Variants in ADGRV1 observed in about 807,000 individuals in gnomAD.
ADGRV1 encodes G-protein coupled receptor 98.
Under a neutral mutation model 596.2 loss-of-function variants are expected in ADGRV1, and 359 were observed. The observed-to-expected ratio is 0.60, with a 90% CI of 0.55 to 0.66. The LOEUF is 0.66. Ranked by LOEUF, ADGRV1 falls within the 30% of genes least tolerant of loss-of-function variation. The pLI is 0.00. For missense variants in ADGRV1, 7,274 were observed against 7,575.6 expected, an observed-to-expected ratio of 0.96 and a Z score of 1.48; for synonymous variants, 2,681 against 2,679.2, an observed-to-expected ratio of 1.00 and a Z score of -0.02.
intron 1 of ADGRV1, among the ~76,000 whole-genome samples, chr5:90,581,069 C>G (rs1757974461): frequency 6.6e-6 from 1 of 152,176 alleles, no homozygotes; most frequent in Non-Finnish European, 1.5e-5. Context: ...GTGCATGCGT[C>G]ACGAAGTTCT....
At position 90,661,047 on chromosome 5, in the gene ADGRV1, T is replaced by C. The variant is rs1770208826; in HGVS notation, c.4752+2769T>C. 2.0e-5 allele frequency among the ~76,000 whole-genome samples: 3 copies of C among 152,212 alleles called. No individual in the cohort carries two copies. The South Asian group carries it at 6.2e-4, about 32-fold the overall frequency. ...GAGGCATGCCAAATAGTGCTTTGGATTCCAAGTGGGATCTGTATTGAACAG... is the reference window on the plus strand; with the variant it reads ...GAGGCATGCCAAATAGTGCTTTGGACTCCAAGTGGGATCTGTATTGAACAG... On this transcript the variant is annotated intron_variant, in intron 21 of 89. Transcript: ENST00000405460.
intron 76 of ADGRV1, among the ~76,000 whole-genome samples, chr5:90,827,480 A>C (rs1256400185): frequency 6.6e-6 from 1 of 152,200 alleles, no homozygotes; most frequent in Non-Finnish European, 1.5e-5. Flanking sequence ...GGTGGCTATA[A>C]GTATGTTCTA....
chr5:90,863,976 A>C, intron 83 of ADGRV1, 119 bp downstream of exon 83: 1 of 660,286 alleles, frequency 1.5e-6, no homozygotes, highest in Non-Finnish European at 2.6e-6. Context: ...AAACTTGTTT[A>C]GTTTTGCAGT....
At chr5:91,153,514 C>G (rs1386905453) in intron 89 of ADGRV1, 116 bp downstream of exon 89, 21 of 571,276 alleles carry the variant, frequency 3.7e-5, no homozygotes, top group Non-Finnish European at 4.5e-5. Flanking sequence ...CATCCTGATT[C>G]TCATGACCCA....
chr5:90,963,209 T>C (rs1292201519), intron 83 of ADGRV1, among the ~76,000 whole-genome samples: 3 of 152,174 alleles, frequency 2.0e-5, no homozygotes, highest in African/African-American at 7.2e-5. Flanking sequence ...AGACAGAACA[T>C]GAAATGTTAA....
At chr5:90,699,031 A>G (rs181946645) in intron 34 of ADGRV1, among the ~76,000 whole-genome samples, 9 of 152,280 alleles carry the variant, frequency 5.9e-5, no homozygotes, top group Admixed American at 6.5e-5. Context: ...TGACAAACAT[A>G]GAGGTCTTCA....
rs397971135 is a variant in ADGRV1, at chr5:90,721,523, A to AT, written c.9748+465dup. ...GGTCTAAAAAATAAAATAAAATAAAATAAAAATAAAAATAAAATAAAATAA... is the reference window on the plus strand; with the variant it reads ...GGTCTAAAAAATAAAATAAAATAAAATTAAAAATAAAAATAAAATAAAATAA... On this transcript the variant is annotated intron_variant, in intron 45 of 89. Coordinates refer to ENST00000405460, the MANE Select transcript of ADGRV1 (RefSeq NM_032119.4). Among the ~76,000 whole-genome samples the AT allele has an allele frequency of 1.2e-3, 107 of 90,704 alleles. 5 individuals carry two copies. Among genetic ancestry groups the AT allele is most frequent in the African/African-American group, 4.7e-3 (67 of 14,230 alleles). 59.5% of individuals were successfully genotyped at this position (90,704 alleles called of 152,430 possible).
chr5:90,660,485 T>A (rs757450009), intron 21 of ADGRV1, among the ~76,000 whole-genome samples: 3 of 152,216 alleles, frequency 2.0e-5, no homozygotes, highest in African/African-American at 7.2e-5. Context: ...GCCACTTCCA[T>A]AGATTCTTCT....
Position 90,853,371 on chromosome 5 carries a change from AGG to A in ADGRV1, c.17293_17294del (p.Gly5765LysfsTer28). 6.2e-7 allele frequency: 1 copy of A among 1,613,602 alleles called. No individual in the cohort carries two copies. Among genetic ancestry groups the A allele is most frequent in the Non-Finnish European group, 8.5e-7 (1 of 1,179,600 alleles). On this transcript the variant is annotated frameshift_variant, in exon 80 of 90. Transcript: ENST00000405460. LOFTEE classifies it high-confidence loss of function. ...PQQINGHKFEGKEGDYIRIPE... is the reference protein window; with the variant it reads ...PQQINGHKFEXKEGDYIRIPE... ...AGCAAATCAATGGACACAAGTTTGA[AGG>A]AAAGGAAGGAGATTACATTCGAATT...
intron 86 of ADGRV1, among the ~76,000 whole-genome samples, chr5:91,078,334 C>T (rs1348156927): frequency 6.6e-6 from 1 of 151,916 alleles, no homozygotes; most frequent in South Asian, 2.1e-4. Context: ...GAAATGAAAT[C>T]CAAAGGAAAA....
intron 13 of ADGRV1, among the ~76,000 whole-genome samples, chr5:90,643,249 TGAAG>T (rs1381339895): frequency 6.6e-6 from 1 of 152,106 alleles, no homozygotes. Flanking sequence ...TTGCTCCACA[TGAAG>T]AAATAACAAA....
chr5:90,654,303 G>A lies in ADGRV1; in HGVS notation c.4378+351G>A, dbSNP rs139811155. 1,545 of 288,330 alleles carry A rather than the reference G, an allele frequency of 5.4e-3. 28 individuals carry two copies. The highest frequency in any genetic ancestry group is 0.031 in the African/African-American group (1,389 of 45,142). 17.9% of individuals were successfully genotyped at this position (288,330 alleles called of 1,614,324 possible). ...AGATGGGGAGTGATATTCCTGCAGA[G>A]GAATGAACAAAGGAATAGAAATGTG... On this transcript the variant is annotated intron_variant, in intron 20 of 89. Coordinates refer to ENST00000405460, the MANE Select transcript of ADGRV1 (RefSeq NM_032119.4).
chr5:90,723,785 C>A (rs1751393981), intron 45 of ADGRV1, among the ~76,000 whole-genome samples: 1 of 152,156 alleles, frequency 6.6e-6, no homozygotes, highest in Non-Finnish European at 1.5e-5. Flanking sequence ...GATAGTTGTT[C>A]TTACTGCATC....
At chr5:90,642,186 G>C (rs371841038) in intron 11 of ADGRV1, among the ~76,000 whole-genome samples, 1 of 152,050 alleles carries the variant, frequency 6.6e-6, no homozygotes, top group Non-Finnish European at 1.5e-5. Flanking sequence ...TATTCAGTTA[G>C]TATAATCTTA....
intron 31 of ADGRV1, 29 bp downstream of exon 31, chr5:90,691,070 A>C (rs1746407623): frequency 1.2e-6 from 2 of 1,613,024 alleles, no homozygotes; most frequent in Non-Finnish European, 1.7e-6. Context: ...ATAGAATGAC[A>C]CTGTAAATCA....
Position 90,914,646 on chromosome 5 carries a change from T to C in ADGRV1, c.17857-50769T>C, listed in dbSNP as rs574572935. ...TCTTTAATTAATAAAAGAGATGATT[T>C]CCCCATTTCTGATTGATTTTTACTT... On this transcript the variant is annotated intron_variant, in intron 83 of 89. Transcript: ENST00000405460. 6.6e-5 allele frequency among the ~76,000 whole-genome samples: 10 copies of C among 152,284 alleles called. No homozygotes were observed. In the East Asian group the frequency reaches 1.7e-3, roughly 26 times the overall value.
intron 1 of ADGRV1, among the ~76,000 whole-genome samples, chr5:90,572,463 C>G (rs752163287): frequency 1.1e-4 from 17 of 152,126 alleles, no homozygotes; most frequent in Admixed American, 2.0e-4. Flanking sequence ...TGTGAATGAA[C>G]TGGTACGAAA....
Position 90,685,940 on chromosome 5 carries a change from A to C in ADGRV1, c.6435A>C (p.Gly2145=). 1.9e-6 allele frequency: 3 copies of C among 1,607,742 alleles called. No homozygotes were observed. The East Asian group carries it at 6.7e-5, about 36-fold the overall frequency. The change falls in exon 29 of 90, where the codon GGA becomes GGC. Residue 2145 remains glycine (G), a synonymous_variant. Transcript: ENST00000405460. ...GPIINVTRTG[G]AFADVSVKFK... is the part of the protein sequence containing the mutation. Reference sequence around the variant, plus strand: ...TTATCAATGTGACTAGAACAGGAGGAGCATTTGCAGATGTCTCTGTGAAGT... The same window carrying C: ...TTATCAATGTGACTAGAACAGGAGGCGCATTTGCAGATGTCTCTGTGAAGT...
At chr5:91,028,864 G>T (rs1372665763) in intron 85 of ADGRV1, among the ~76,000 whole-genome samples, 1 of 149,212 alleles carries the variant, frequency 6.7e-6, no homozygotes, top group African/African-American at 2.5e-5. Context: ...TCAGCCTCTT[G>T]CATAGCTAGG....
Sources: allele counts gnomAD v4.1 joint callset (sites outside exome capture counted in the v4.1 genomes callset), GRCh38; gene constraint gnomAD v4.1.1; transcripts MANE v1.5; gene names NCBI Gene and HGNC (gene_info 2026-07-23, HGNC 2026-07-21).